The following MORC2 variants were observed in gnomAD, a reference collection of about 807,000 sequenced individuals.
MORC2 encodes the protein ATPase MORC2.
Under a neutral mutation model 136.0 loss-of-function variants are expected in MORC2, and 30 were observed. The ratio of observed to expected loss-of-function variants is 0.22; its 90% CI spans 0.17 to 0.30. The LOEUF is 0.30. Among genes scored for constraint, MORC2 ranks in the 10% least tolerant of loss-of-function variants. The probability of loss-of-function intolerance (pLI) is 1.00; values close to 1 mark genes in which losing one functional copy is unlikely to be tolerated. For synonymous variants in MORC2, 439 were observed against 487.0 expected (o/e 0.90, Z 1.30); for missense variants, 922 against 1,333.1 (o/e 0.69, Z 4.80).
In MORC2 at chr22:30,942,262, G is replaced by A; in HGVS notation, c.436C>T (p.Pro146Ser). The A allele has an allele frequency of 6.2e-7, 1 of 1,610,764 alleles. No homozygotes were observed. The highest frequency in any genetic ancestry group is 8.5e-7 in the Non-Finnish European group (1 of 1,179,806). The stretch of plus-strand genomic sequence containing the variant: ...GTCCGAGCATTCCAGGTGGGCAGTG[G>A]GACTATCACCTGTGGAGTAAACATG... ...EEEGIDEVIVPLPTWNARTRE... is the reference protein window; with the variant it reads ...EEEGIDEVIVSLPTWNARTRE... The change falls in exon 7 of 26, where the codon CCA becomes TCA. Residue 146 changes from proline (P) to serine (S), a missense_variant. Around this residue, in one of 9 missense-constraint regions of MORC2, gnomAD observed 261 missense variants for 354.3 expected, o/e 0.74. Transcript: ENST00000397641.
chr22:30,932,794 C>A lies in MORC2; in HGVS notation c.2523-25G>T. The A allele has an allele frequency of 1.2e-6, 2 of 1,613,466 alleles. No individual in the cohort carries two copies. On this transcript the variant is annotated intron_variant, in intron 22 of 25. Transcript: ENST00000397641. This position sits in a 1 kb window ranked among gnomAD's most constrained non-coding sequence, Gnocchi z 4.4. ...CCTGTGGAAGACACACAGCTTATGT[C>A]ATGTCTGACCCGGGCTCCCAGGATG...
chr22:30,967,726 A>G, intron 1 of MORC2, 96 bp downstream of exon 1: 2 of 1,532,716 alleles, frequency 1.3e-6, no homozygotes, highest in East Asian at 2.5e-5. Flanking sequence ...ATACATCTCA[A>G]AAAGTGAAAA....
At chr22:30,949,991 T>C (rs1263905852) in intron 4 of MORC2, 149 bp from the exon 5 acceptor site, 2 of 689,968 alleles carry the variant, frequency 2.9e-6, no homozygotes, top group Non-Finnish European at 4.9e-6. Flanking sequence ...ATGAAGCACA[T>C]GGAGGCACAG....
chr22:30,952,339 C>T (rs2040901123), intron 3 of MORC2, among the ~76,000 whole-genome samples: 1 of 152,126 alleles, frequency 6.6e-6, no homozygotes, highest in African/African-American at 2.4e-5. Flanking sequence ...AAGCCAAGCA[C>T]CTCTGAAAAG....
chr22:30,968,341 G>C lies in MORC2; in HGVS notation c.-452C>G, dbSNP rs2041161363. ...CGCGGAAATTTACCCACTTCTGTCA[G>C]AAAACTGATCAGCCATGTCTTCGCC... On this transcript the variant is annotated 5_prime_UTR_variant, in exon 1 of 26. Transcript: ENST00000397641. 1 of 158,196 alleles carries C rather than the reference G, an allele frequency of 6.3e-6. No individual in the cohort carries two copies. The highest frequency in any genetic ancestry group is 2.4e-5 in the African/African-American group (1 of 41,454). 9.8% of individuals were successfully genotyped at this position (158,196 alleles called of 1,614,324 possible). A position where few individuals can be genotyped will look rare whatever the true frequency, so the allele number is the denominator to read the frequency against.
At chr22:30,945,639 C>T (rs2040805503) in intron 6 of MORC2, among the ~76,000 whole-genome samples, 1 of 152,214 alleles carries the variant, frequency 6.6e-6, no homozygotes, top group Non-Finnish European at 1.5e-5. Flanking sequence ...GCTCTGCAGA[C>T]ATCTGAGCCA....
At chr22:30,933,999 G>C in intron 20 of MORC2, 61 bp downstream of exon 20, 1 of 1,591,616 alleles carries the variant, frequency 6.3e-7, no homozygotes, top group Non-Finnish European at 8.6e-7. Flanking sequence ...GGTGCAGACT[G>C]CTGGTGGGGG....
chr22:30,966,639 G>T (rs937976609), intron 1 of MORC2, among the ~76,000 whole-genome samples: 3 of 152,182 alleles, frequency 2.0e-5, no homozygotes, highest in African/African-American at 7.2e-5. Flanking sequence ...TTAGCTGGGC[G>T]TGGTGGTGCA....
chr22:30,967,321 T>C, intron 1 of MORC2: 1 of 987,754 alleles, frequency 1.0e-6, no homozygotes. Flanking sequence ...ATATTGGATG[T>C]GAGCAATCTG....
chr22:30,950,339 A>AAACCCCCCCCC, intron 4 of MORC2, 38 bp downstream of exon 4: 1 of 539,982 alleles, frequency 1.9e-6, no homozygotes. Flanking sequence ...GTTACATCGC[A>AAACCCCCCCCC]CCCCCCCACC....
At chr22:30,965,089 A>T (rs1444653934) in intron 1 of MORC2, among the ~76,000 whole-genome samples, 1 of 152,382 alleles carries the variant, frequency 6.6e-6, no homozygotes, top group Admixed American at 6.5e-5. Context: ...GAAACACTCA[A>T]GTCCAGGTTT....
Position 30,956,749 on chromosome 22 carries a change from A to C in MORC2, c.157+14T>G, listed in dbSNP as rs1333908336. ...AGATGAACTAGACATTAGAAGGACT[A>C]AAGCCTGACTTACCTGCATAAATAT... On this transcript the variant is annotated intron_variant, in intron 3 of 25. Transcript: ENST00000397641. 2.6e-6 allele frequency: 4 copies of C among 1,536,974 alleles called. No individual in the cohort carries two copies. The highest frequency in any genetic ancestry group is 3.5e-6 in the Non-Finnish European group (4 of 1,135,288).
chr22:30,927,853 G>A (rs1262916919), intron 25 of MORC2, among the ~76,000 whole-genome samples, 166 bp downstream of exon 25: 1 of 152,240 alleles, frequency 6.6e-6, no homozygotes, highest in Non-Finnish European at 1.5e-5. Context: ...TGAGGACCAG[G>A]CAGCCACACC....
intron 20 of MORC2, 42 bp from the exon 21 acceptor site, chr22:30,933,562 C>A (rs375749675): frequency 1.2e-5 from 19 of 1,606,756 alleles, no homozygotes; most frequent in African/African-American, 1.1e-4. Context: ...CCAGTGCCCC[C>A]CAAGAGCAGA....
rs537969094 is a variant in MORC2 at position 30,961,166 on chromosome 22, G to A, written c.69-2472C>T. ...ATTACAGGCGTGAGCCACCATGCCC[G>A]GCCCATATGTTTAATTATTAAAAAT... On this transcript the variant is annotated intron_variant, in intron 1 of 25. Coordinates refer to ENST00000397641, the MANE Select transcript of MORC2 (RefSeq NM_001303256.3). Among the ~76,000 whole-genome samples the A allele has an allele frequency of 2.1e-4, 32 of 152,032 alleles. No homozygotes were observed. In the South Asian group the frequency reaches 2.9e-3, roughly 14 times the overall value.
intron 1 of MORC2, among the ~76,000 whole-genome samples, chr22:30,964,230 G>A (rs538417600): frequency 2.0e-5 from 3 of 152,100 alleles, no homozygotes; most frequent in African/African-American, 7.2e-5. Flanking sequence ...GGTGGCATGC[G>A]CCTGTAGTCC....
chr22:30,933,441 C>A, intron 21 of MORC2, 25 bp downstream of exon 21: 1 of 1,612,680 alleles, frequency 6.2e-7, no homozygotes. Context: ...CCGCCACAGG[C>A]TGCCAAGTCA....
intron 11 of MORC2, 108 bp downstream of exon 11, chr22:30,939,851 C>T: frequency 3.7e-6 from 5 of 1,364,512 alleles, no homozygotes; most frequent in Non-Finnish European, 5.1e-6. Flanking sequence ...GAAAACAGCC[C>T]TCACTGGGGA....
At chr22:30,967,433 T>C (rs1474666889) in intron 1 of MORC2, 9 of 992,378 alleles carry the variant, frequency 9.1e-6, no homozygotes, top group Non-Finnish European at 1.1e-5. Context: ...ACACTTGTTA[T>C]AAACCTAACT....
Sources: gnomAD v4.1 joint callset for allele counts (sites outside exome capture counted in the v4.1 genomes callset) on GRCh38, gnomAD v4.1.1 for gene constraint, gnomAD v4.1.1 regional missense constraint, Gnocchi (gnomAD v3.1) non-coding constraint, MANE v1.5 for transcripts, NCBI Gene and HGNC (gene_info 2026-07-23, HGNC 2026-07-21) for gene names.